The following SV2C variants were observed in gnomAD, a reference collection of about 807,000 sequenced individuals.
The protein encoded by SV2C is solute carrier family 22 member B3.
In SV2C, 49 loss-of-function variants were observed where a neutral mutation model predicts 79.7. That is an observed-to-expected ratio of 0.61 (90% CI 0.49 to 0.78). The LOEUF (loss-of-function observed/expected upper bound fraction) is 0.78, where lower values mean the gene tolerates loss of function less well. Ranked by LOEUF, SV2C falls within the 30% of genes least tolerant of loss-of-function variation. The pLI is 0.00. For synonymous variants in SV2C, 334 were observed against 333.2 expected (o/e 1.00, Z -0.03); for missense variants, 833 against 912.9 (o/e 0.91, Z 1.13).
chr5:75,969,238 C>A, the SV2C span, among the ~76,000 whole-genome samples: 1 of 152,128 alleles, frequency 6.6e-6, no homozygotes, highest in African/African-American at 2.4e-5. Flanking sequence ...ATTGTAAAGA[C>A]CATCAAGCCT....
intron 12 of SV2C, among the ~76,000 whole-genome samples, chr5:76,305,046 T>TAAAG (rs553798185): frequency 2.6e-3 from 391 of 152,170 alleles, no homozygotes; most frequent in African/African-American, 8.0e-3. Flanking sequence ...ACATCACATG[T>TAAAG]AAAGAGCAGG....
At chr5:75,898,237 C>G in the SV2C span, among the ~76,000 whole-genome samples, 1 of 152,080 alleles carries the variant, frequency 6.6e-6, no homozygotes, top group East Asian at 1.9e-4. Flanking sequence ...TTTTGAGATA[C>G]GTCCCATCAA....
the SV2C span, among the ~76,000 whole-genome samples, chr5:76,075,035 A>T: frequency 6.6e-6 from 1 of 152,194 alleles, no homozygotes; most frequent in African/African-American, 2.4e-5. Context: ...TCTAAAAAAT[A>T]AAAAAGAGGA....
At chr5:76,018,925 C>T in the SV2C span, among the ~76,000 whole-genome samples, 20 of 152,208 alleles carry the variant, frequency 1.3e-4, no homozygotes, top group East Asian at 2.1e-3. Flanking sequence ...CGATATAAAA[C>T]GTAACCTGAA....
At chr5:75,940,963 T>C in the SV2C span, among the ~76,000 whole-genome samples, 1 of 152,326 alleles carries the variant, frequency 6.6e-6, no homozygotes, top group Admixed American at 6.5e-5. Context: ...ACTTAATTTA[T>C]TGGTTTGGTG....
At chr5:76,013,197 A>C in the SV2C span, among the ~76,000 whole-genome samples, 1 of 152,210 alleles carries the variant, frequency 6.6e-6, no homozygotes, top group African/African-American at 2.4e-5. Context: ...TACTTTAGGC[A>C]GTATGGCCAT....
chr5:76,118,230 T>C (rs1206412661), intron 1 of SV2C, among the ~76,000 whole-genome samples: 1 of 152,188 alleles, frequency 6.6e-6, no homozygotes, highest in Non-Finnish European at 1.5e-5. Flanking sequence ...GTAACTCTAA[T>C]TTCTGCCTCC....
chr5:76,106,093 G>A (rs1747900954), intron 1 of SV2C, among the ~76,000 whole-genome samples: 1 of 152,040 alleles, frequency 6.6e-6, no homozygotes, highest in African/African-American at 2.4e-5. Flanking sequence ...CCTAAAAGCT[G>A]AACTCTTGAT....
At chr5:76,212,097 A>ATT (rs543718592) in intron 4 of SV2C, among the ~76,000 whole-genome samples, 5 of 147,574 alleles carry the variant, frequency 3.4e-5, no homozygotes, top group Non-Finnish European at 6.0e-5. Context: ...GGAATTCAAG[A>ATT]TTTTTTTTTT....
At chr5:76,297,011 A>G (rs1580043609) in intron 9 of SV2C, among the ~76,000 whole-genome samples, 1 of 152,300 alleles carries the variant, frequency 6.6e-6, no homozygotes, top group South Asian at 2.1e-4. Flanking sequence ...TTTCTAATAT[A>G]TGTTTGTGTC....
chr5:76,281,926 T>A (rs1747210979), intron 4 of SV2C, among the ~76,000 whole-genome samples: 2 of 152,250 alleles, frequency 1.3e-5, no homozygotes, highest in South Asian at 4.1e-4. Flanking sequence ...CAAAGCCCCT[T>A]GGCATGTAAG....
Position 76,217,930 on chromosome 5 carries a change from G to A in SV2C, c.913+8043G>A, listed in dbSNP as rs76771589. ...CCATTTTCAAGGCCATGGTGCTATC[G>A]TTCCCAGATAGAAATAACGAGAGTC... On this transcript the variant is annotated intron_variant, in intron 4 of 12. Transcript: ENST00000502798. Among the ~76,000 whole-genome samples, 315 of 152,214 alleles carry A rather than the reference G, an allele frequency of 2.1e-3. 13 individuals are homozygous for A. In the East Asian group the frequency reaches 0.058, roughly 28 times the overall value.
chr5:76,078,958 A>G (rs555549884), upstream of SV2C: 1 of 520,868 alleles, frequency 1.9e-6, no homozygotes, highest in East Asian at 4.8e-5. Flanking sequence ...AGAAAAAAGA[A>G]TGAAAGAATT....
chr5:75,994,435 A>T, the SV2C span, among the ~76,000 whole-genome samples: 1 of 152,080 alleles, frequency 6.6e-6, no homozygotes, highest in African/African-American at 2.4e-5. Context: ...TCCTGCCTTT[A>T]TCCTGACTTC....
At chr5:75,994,470 T>C in the SV2C span, among the ~76,000 whole-genome samples, 1 of 151,660 alleles carries the variant, frequency 6.6e-6, no homozygotes, top group Non-Finnish European at 1.5e-5. Context: ...GAATCTGCCT[T>C]TGACTAGTAA....
At chr5:76,185,523 C>T (rs1743887031) in intron 2 of SV2C, among the ~76,000 whole-genome samples, 1 of 152,250 alleles carries the variant, frequency 6.6e-6, no homozygotes, top group African/African-American at 2.4e-5. Flanking sequence ...AGAGATTCCC[C>T]AACCTTAATT....
chr5:76,247,760 T>C (rs1745986798), intron 4 of SV2C, among the ~76,000 whole-genome samples: 1 of 152,238 alleles, frequency 6.6e-6, no homozygotes, highest in African/African-American at 2.4e-5. Context: ...GTAGTCTTTC[T>C]TTTTGTATTA....
chr5:76,019,033 C>T, the SV2C span, among the ~76,000 whole-genome samples: 2 of 152,286 alleles, frequency 1.3e-5, no homozygotes, highest in East Asian at 1.9e-4. Context: ...CTTTTCACCT[C>T]CCTCCTGGGG....
At chr5:76,223,278 A>C (rs114467223) in intron 4 of SV2C, among the ~76,000 whole-genome samples, 1,660 of 151,424 alleles carry the variant, frequency 0.011, 36 homozygotes, top group African/African-American at 0.038. Flanking sequence ...AATTTTAAAA[A>C]TTAGCTGGGC....
Sources: gnomAD v4.1 joint callset for allele counts (sites outside exome capture counted in the v4.1 genomes callset) on GRCh38, gnomAD v4.1.1 for gene constraint, MANE v1.5 for transcripts, NCBI Gene and HGNC (gene_info 2026-07-23, HGNC 2026-07-21) for gene names.